BMPER: variants seen among roughly 807,000 people sequenced by gnomAD.
BMPER encodes BMP binding endothelial regulator.
In BMPER, 45 loss-of-function variants were observed where a neutral mutation model predicts 87.3. The observed-to-expected ratio is 0.52, with a 90% CI of 0.41 to 0.66. The LOEUF (loss-of-function observed/expected upper bound fraction) is 0.66, where lower values mean the gene tolerates loss of function less well. Ranked by LOEUF, BMPER falls within the 30% of genes least tolerant of loss-of-function variation. BMPER has a pLI of 0.00. For missense variants in BMPER, 784 were observed against 867.5 expected (o/e 0.90, Z 1.21); for synonymous variants, 326 against 316.2 (o/e 1.03, Z -0.33).
rs66493349 is a variant in BMPER, at chr7:34,119,014, T to TCTCTCTCTCACACACACA, written c.1746-24215_1746-24214insTCTCTCTCACACACACAC. ...CTCTCACTGTCTCTCTCTCTCTCTC[T>TCTCTCTCTCACACACACA]CACACACACACACACACACACACGC... On this transcript the variant is annotated intron_variant, in intron 13 of 14. Transcript: ENST00000649409. Among the ~76,000 whole-genome samples, 403 of 135,782 alleles carry TCTCTCTCTCACACACACA rather than the reference T, an allele frequency of 3.0e-3. 1 individual carries two copies. Among genetic ancestry groups the TCTCTCTCTCACACACACA allele is most frequent in the African/African-American group, 0.01 (392 of 37,982 alleles). 89.1% of individuals were successfully genotyped at this position (135,782 alleles called of 152,430 possible).
intron 4 of BMPER, 126 bp from the exon 5 acceptor site, chr7:33,970,203 G>T: frequency 1.1e-6 from 1 of 879,134 alleles, no homozygotes; most frequent in Non-Finnish European, 1.9e-6. Context: ...CATACCTCTC[G>T]CCCTGACACC....
intron 13 of BMPER, among the ~76,000 whole-genome samples, chr7:34,116,727 C>T (rs144674901): frequency 0.022 from 3,303 of 152,258 alleles, 113 homozygotes; most frequent in African/African-American, 0.075. Context: ...CTGTGGCTCA[C>T]GCCTGTAATC....
intron 11 of BMPER, among the ~76,000 whole-genome samples, chr7:34,072,910 C>G (rs1400020947): frequency 6.6e-6 from 1 of 152,184 alleles, no homozygotes; most frequent in Non-Finnish European, 1.5e-5. Context: ...TCTCAGCTAG[C>G]TTTCTTGGCA....
chr7:34,071,412 T>C (rs1361458166), intron 11 of BMPER, among the ~76,000 whole-genome samples: 3 of 152,216 alleles, frequency 2.0e-5, no homozygotes, highest in African/African-American at 7.2e-5. Context: ...AGTTTGTGCA[T>C]GATTTTATAA....
At chr7:34,008,228 A>G (rs1786786691) in intron 6 of BMPER, among the ~76,000 whole-genome samples, 1 of 151,928 alleles carries the variant, frequency 6.6e-6, no homozygotes, top group African/African-American at 2.4e-5. Flanking sequence ...TTCTTTCTCT[A>G]CTGGGTTGTT....
intron 11 of BMPER, among the ~76,000 whole-genome samples, chr7:34,077,749 A>G (rs947321359): frequency 5.9e-5 from 9 of 152,336 alleles, no homozygotes; most frequent in Admixed American, 1.3e-4. Flanking sequence ...CCTTGGTGCT[A>G]TCAGATCAGC....
At chr7:33,995,987 C>T (rs951306299) in intron 6 of BMPER, among the ~76,000 whole-genome samples, 2 of 152,214 alleles carry the variant, frequency 1.3e-5, no homozygotes, top group Admixed American at 1.3e-4. Context: ...CCTCACTTTC[C>T]TCATTTATAA....
intron 13 of BMPER, among the ~76,000 whole-genome samples, chr7:34,128,466 A>C (rs1455395451): frequency 1.3e-5 from 2 of 152,200 alleles, no homozygotes; most frequent in Admixed American, 1.3e-4. Flanking sequence ...GTTGCTTGCC[A>C]AGTAGAGATT....
chr7:33,905,457 A>AC (rs1343920832), upstream of BMPER: 5 of 73,486 alleles, frequency 6.8e-5, no homozygotes, highest in Non-Finnish European at 1.3e-4. Flanking sequence ...CCTCCCTCAC[A>AC]CCCCCCCGCC....
intron 2 of BMPER, among the ~76,000 whole-genome samples, chr7:33,912,325 G>A (rs984955326): frequency 5.9e-5 from 9 of 152,080 alleles, no homozygotes; most frequent in Admixed American, 4.6e-4. Flanking sequence ...TTCCTGGCCC[G>A]CCTTGTGGAA....
intron 6 of BMPER, among the ~76,000 whole-genome samples, chr7:33,998,971 A>T (rs953935760): frequency 1.3e-4 from 20 of 152,356 alleles, no homozygotes; most frequent in African/African-American, 4.3e-4. Context: ...GACTTGCAGT[A>T]TGGAGATGAG....
intron 6 of BMPER, among the ~76,000 whole-genome samples, chr7:34,005,275 GT>G (rs986958675): frequency 4.6e-5 from 7 of 151,914 alleles, no homozygotes; most frequent in African/African-American, 4.8e-5. Context: ...TTAAGCTATT[GT>G]TTTTTAAAAC....
At chr7:33,959,505 T>C (rs1785220051) in intron 3 of BMPER, among the ~76,000 whole-genome samples, 1 of 152,138 alleles carries the variant, frequency 6.6e-6, no homozygotes, top group Non-Finnish European at 1.5e-5. Flanking sequence ...GCTGACTGCT[T>C]GACAGTGGGG....
At chr7:34,056,446 C>T (rs1191384597) in intron 9 of BMPER, among the ~76,000 whole-genome samples, 2 of 152,002 alleles carry the variant, frequency 1.3e-5, no homozygotes, top group African/African-American at 2.4e-5. Context: ...CAAAAAAACA[C>T]ATAAGGTGTC....
At chr7:33,983,185 C>T (rs1341136366) in intron 6 of BMPER, among the ~76,000 whole-genome samples, 1 of 152,096 alleles carries the variant, frequency 6.6e-6, no homozygotes, top group Non-Finnish European at 1.5e-5. Context: ...CTACCTCATC[C>T]TGGACTTAAA....
At chr7:34,090,309 T>C (rs1027025883) in intron 13 of BMPER, among the ~76,000 whole-genome samples, 5 of 152,236 alleles carry the variant, frequency 3.3e-5, no homozygotes, top group Non-Finnish European at 5.9e-5. Context: ...ATATTTGGAT[T>C]CAAATGTAGG....
At chr7:33,974,856 C>T in intron 6 of BMPER, 72 bp downstream of exon 6, 1 of 1,398,200 alleles carries the variant, frequency 7.2e-7, no homozygotes. Flanking sequence ...AAGAGCACCC[C>T]CGGTCTCTAC....
intron 2 of BMPER, among the ~76,000 whole-genome samples, chr7:33,908,004 A>G (rs930135532): frequency 2.0e-5 from 3 of 152,244 alleles, no homozygotes. Context: ...ATCAACAGAA[A>G]CAAGTAAAAA....
chr7:33,943,941 AT>A (rs1252914888), intron 3 of BMPER, among the ~76,000 whole-genome samples: 1 of 152,132 alleles, frequency 6.6e-6, no homozygotes, highest in Non-Finnish European at 1.5e-5. Flanking sequence ...AGTGCCATCA[AT>A]TGCTGTTGTG....
Sources: gnomAD v4.1 joint callset for allele counts (sites outside exome capture counted in the v4.1 genomes callset) on GRCh38, gnomAD v4.1.1 for gene constraint, MANE v1.5 for transcripts, NCBI Gene and HGNC (gene_info 2026-07-23, HGNC 2026-07-21) for gene names.